The following LTBP1 variants were observed in gnomAD, a reference collection of about 807,000 sequenced individuals.
The protein encoded by LTBP1 is latent transforming growth factor beta binding protein 1, also known as latent-transforming growth factor beta-binding protein 1.
A neutral mutation model predicts 207.6 loss-of-function variants in LTBP1; 129 were observed. The observed-to-expected ratio is 0.62, with a 90% CI of 0.54 to 0.72. The LOEUF (loss-of-function observed/expected upper bound fraction) is 0.72. Among genes scored for constraint, LTBP1 ranks in the 30% least tolerant of loss-of-function variants. The probability of loss-of-function intolerance (pLI) is 0.00; values close to 1 mark genes in which losing one functional copy is unlikely to be tolerated. For synonymous variants in LTBP1, 963 were observed against 833.7 expected, an observed-to-expected ratio of 1.16 and a Z score of -2.67; for missense variants, 2,281 against 2,217.2, an observed-to-expected ratio of 1.03 and a Z score of -0.58.
intron 5 of LTBP1, among the ~76,000 whole-genome samples, chr2:33,137,764 A>G (rs1173161683): frequency 1.3e-5 from 2 of 152,150 alleles, no homozygotes; most frequent in Non-Finnish European, 2.9e-5. Flanking sequence ...CATTTTTTCA[A>G]TACGGAAACT....
At chr2:33,185,957 A>G (rs2087145773) in intron 5 of LTBP1, among the ~76,000 whole-genome samples, 1 of 152,224 alleles carries the variant, frequency 6.6e-6, no homozygotes. Context: ...GCTGATAGGA[A>G]GAATTCATTA....
chr2:33,062,066 C>T (rs376496573), intron 3 of LTBP1, among the ~76,000 whole-genome samples: 22 of 152,200 alleles, frequency 1.4e-4, no homozygotes, highest in African/African-American at 4.8e-4. Context: ...CTAATGATAT[C>T]GAATAGCTTT....
chr2:33,176,104 A>C (rs1379003273), intron 5 of LTBP1, among the ~76,000 whole-genome samples: 1 of 151,916 alleles, frequency 6.6e-6, no homozygotes, highest in Non-Finnish European at 1.5e-5. Context: ...ATGTATACAT[A>C]CGTAACTAAC....
At chr2:33,122,069 G>A (rs2081158438) in intron 4 of LTBP1, among the ~76,000 whole-genome samples, 1 of 151,158 alleles carries the variant, frequency 6.6e-6, no homozygotes, top group Non-Finnish European at 1.5e-5. Flanking sequence ...CTTCCTGTGG[G>A]TATAGTGGAT....
chr2:33,258,620 A>G (rs773675297), intron 12 of LTBP1, among the ~76,000 whole-genome samples: 1 of 152,152 alleles, frequency 6.6e-6, no homozygotes, highest in African/African-American at 2.4e-5. Flanking sequence ...GATGTTTGCA[A>G]CTGTTCATTG....
At chr2:33,190,785 G>A (rs2087774751) in intron 7 of LTBP1, among the ~76,000 whole-genome samples, 1 of 152,170 alleles carries the variant, frequency 6.6e-6, no homozygotes. Context: ...TAAGATAGGG[G>A]ACAGCATCGA....
Position 32,960,672 on chromosome 2 carries a change from G to A in LTBP1, c.565+11727G>A, listed in dbSNP as rs1191316176. Among the ~76,000 whole-genome samples the A allele has an allele frequency of 2.0e-5, 3 of 152,196 alleles. No homozygotes were observed. The East Asian group carries it at 5.8e-4, about 29-fold the overall frequency. On this transcript the variant is annotated intron_variant, in intron 2 of 33. Coordinates refer to ENST00000404816, the MANE Select transcript of LTBP1 (RefSeq NM_206943.4). ...CTAAAACAGGGTCACAGGCTAGAGA[G>A]TGACAGGAGCTGGAACTGGAGGTGG...
At chr2:33,130,832 A>G (rs2081748539) in intron 4 of LTBP1, among the ~76,000 whole-genome samples, 1 of 152,076 alleles carries the variant, frequency 6.6e-6, no homozygotes, top group African/African-American at 2.4e-5. Context: ...CCAAAACCCA[A>G]AGTTTTAAAG....
At chr2:33,165,570 C>T (rs1439558422) in intron 5 of LTBP1, among the ~76,000 whole-genome samples, 1 of 152,154 alleles carries the variant, frequency 6.6e-6, no homozygotes, top group Admixed American at 6.5e-5. Flanking sequence ...TTTAGCTTTG[C>T]GGTGCAGACC....
chr2:33,225,196 G>A (rs1005573103), intron 9 of LTBP1, among the ~76,000 whole-genome samples: 1 of 152,146 alleles, frequency 6.6e-6, no homozygotes, highest in Non-Finnish European at 1.5e-5. Context: ...TACTTAAAAT[G>A]TATAGTGATC....
intron 31 of LTBP1, among the ~76,000 whole-genome samples, chr2:33,386,468 G>T (rs925890799): frequency 6.6e-6 from 1 of 152,154 alleles, no homozygotes; most frequent in African/African-American, 2.4e-5. Context: ...TCTCAGCAAG[G>T]CTTCTCTGAC....
At chr2:33,363,849 C>T (rs916833136) in intron 29 of LTBP1, among the ~76,000 whole-genome samples, 2 of 152,184 alleles carry the variant, frequency 1.3e-5, no homozygotes, top group African/African-American at 4.8e-5. Context: ...ATTTTAAATA[C>T]TGACCCAGAC....
chr2:33,389,327 C>G (rs769030096), intron 32 of LTBP1, 21 bp downstream of exon 32: 4 of 1,613,638 alleles, frequency 2.5e-6, no homozygotes, highest in Non-Finnish European at 3.4e-6. Flanking sequence ...TAACCTTGTT[C>G]CTTTGATACT....
Position 33,001,942 on chromosome 2 carries a change from G to A in LTBP1, c.566-18967G>A, listed in dbSNP as rs1686104451. On this transcript the variant is annotated intron_variant, in intron 2 of 33. Coordinates refer to ENST00000404816, the MANE Select transcript of LTBP1 (RefSeq NM_206943.4). ...GATTTCCATCCTTTCAGTCTTAGACGCTTGCAGAAAGCTGGCATGGTGGCA... is the reference window on the plus strand; with the variant it reads ...GATTTCCATCCTTTCAGTCTTAGACACTTGCAGAAAGCTGGCATGGTGGCA... 2.2e-5 allele frequency among the ~76,000 whole-genome samples: 3 copies of A among 134,340 alleles called. 1 individual carries two copies. Among genetic ancestry groups the A allele is most frequent in the African/African-American group, 5.2e-5 (2 of 38,520 alleles). The allele number at this position is 134,340 out of a possible 152,430, so 88.1% of individuals were successfully genotyped here. A position where few individuals can be genotyped will look rare whatever the true frequency, so the allele number is the denominator to read the frequency against.
At chr2:33,354,680 CTA>C (rs1491466208) in intron 26 of LTBP1, among the ~76,000 whole-genome samples, 59 of 119,360 alleles carry the variant, frequency 4.9e-4, no homozygotes, top group Middle Eastern at 9.0e-3. Context: ...CAAACTAAAA[CTA>C]TACACACACA....
intron 2 of LTBP1, among the ~76,000 whole-genome samples, chr2:32,965,406 T>C (rs1281092362): frequency 3.3e-5 from 5 of 152,152 alleles, no homozygotes; most frequent in Non-Finnish European, 5.9e-5. Context: ...TTGGCAAATA[T>C]ATAATAACAT....
chr2:33,112,923 C>T (rs377285211), intron 4 of LTBP1, among the ~76,000 whole-genome samples: 3 of 152,136 alleles, frequency 2.0e-5, no homozygotes, highest in African/African-American at 7.2e-5. Context: ...TTTATATTTA[C>T]AGAAGAGATC....
At position 33,086,311 on chromosome 2, in the gene LTBP1, G is replaced by A. The variant is rs145660535; in HGVS notation, c.864-24271G>A. Among the ~76,000 whole-genome samples, 841 of 152,370 alleles carry A rather than the reference G, an allele frequency of 5.5e-3. 4 individuals carry two copies. The highest frequency in any genetic ancestry group is 0.019 in the African/African-American group (782 of 41,580). On this transcript the variant is annotated intron_variant, in intron 3 of 33. Coordinates refer to ENST00000404816, the MANE Select transcript of LTBP1 (RefSeq NM_206943.4). ...CTACCGGGTGGGTACCCAGTTAATAGAGTTGCAAGATGGGAATACATCTCA... is the reference window on the plus strand; with the variant it reads ...CTACCGGGTGGGTACCCAGTTAATAAAGTTGCAAGATGGGAATACATCTCA...
At chr2:33,042,490 C>A (rs1558552628) in intron 3 of LTBP1, among the ~76,000 whole-genome samples, 1 of 152,130 alleles carries the variant, frequency 6.6e-6, no homozygotes, top group Non-Finnish European at 1.5e-5. Flanking sequence ...GATCTTCAGT[C>A]TAAAAGGGAA....
Sources: gnomAD v4.1 joint callset for allele counts (sites outside exome capture counted in the v4.1 genomes callset) on GRCh38, gnomAD v4.1.1 for gene constraint, MANE v1.5 for transcripts, NCBI Gene and HGNC (gene_info 2026-07-23, HGNC 2026-07-21) for gene names.